NCKAP5: variants seen among roughly 807,000 people sequenced by gnomAD.
NCKAP5 encodes the protein nck-associated protein 5.
NCKAP5 carries 92 observed loss-of-function variants against 167.0 expected under a neutral mutation model. The observed-to-expected ratio is 0.55, with a 90% confidence interval of 0.47 to 0.66. The LOEUF is 0.66. Among genes scored for constraint, NCKAP5 ranks in the 30% least tolerant of loss-of-function variants. NCKAP5 has a pLI of 0.00. For synonymous variants in NCKAP5, 891 were observed against 877.4 expected (o/e 1.02, Z -0.27); for missense variants, 2,378 against 2,315.0 (o/e 1.03, Z -0.56).
At chr2:132,844,480 A>G (rs1688524527) in intron 11 of NCKAP5, among the ~76,000 whole-genome samples, 1 of 152,124 alleles carries the variant, frequency 6.6e-6, no homozygotes, top group South Asian at 2.1e-4. Flanking sequence ...GTATACAGGT[A>G]TATTTATAAA....
the NCKAP5 span, among the ~76,000 whole-genome samples, chr2:133,583,430 G>A: frequency 1.3e-5 from 2 of 151,814 alleles, no homozygotes; most frequent in Non-Finnish European, 2.9e-5. Context: ...TTGATTGGAA[G>A]CTTCCTGAGG....
At chr2:132,895,183 T>G (rs1693063971) in intron 8 of NCKAP5, among the ~76,000 whole-genome samples, 2 of 151,498 alleles carry the variant, frequency 1.3e-5, no homozygotes, top group South Asian at 4.2e-4. Flanking sequence ...TACAAAAAAT[T>G]AGCCGGGCGT....
At position 133,271,346 on chromosome 2, in the gene NCKAP5, C is replaced by A. The variant is rs1260347163; in HGVS notation, c.143+31691G>T. Among the ~76,000 whole-genome samples, 3 of 152,150 alleles carry A rather than the reference C, an allele frequency of 2.0e-5. No individual in the cohort carries two copies. The East Asian group carries it at 5.8e-4, about 29-fold the overall frequency. Reference sequence around the variant, plus strand: ...TAGAATATTCCAACTACAAATACTGCCTCCTGACTTTTTGTTAACTGCGAA... The same window carrying A: ...TAGAATATTCCAACTACAAATACTGACTCCTGACTTTTTGTTAACTGCGAA... On this transcript the variant is annotated intron_variant, in intron 4 of 19. Transcript: ENST00000409261.
chr2:132,837,383 C>G (rs1317014472), intron 11 of NCKAP5, among the ~76,000 whole-genome samples: 1 of 152,036 alleles, frequency 6.6e-6, no homozygotes, highest in East Asian at 1.9e-4. Flanking sequence ...CTACACTGAT[C>G]CTTTAATTTC....
At chr2:132,935,629 G>C (rs914098563) in intron 8 of NCKAP5, among the ~76,000 whole-genome samples, 2 of 152,150 alleles carry the variant, frequency 1.3e-5, no homozygotes, top group African/African-American at 4.8e-5. Flanking sequence ...CAGTAGGTTG[G>C]GGGTGGTGGG....
chr2:133,634,792 C>T, the NCKAP5 span, among the ~76,000 whole-genome samples: 2 of 152,008 alleles, frequency 1.3e-5, no homozygotes, highest in South Asian at 2.1e-4. Flanking sequence ...AATATTGGGA[C>T]ATACATTTAA....
chr2:133,406,298 G>A (rs1178045340), intron 3 of NCKAP5, among the ~76,000 whole-genome samples: 2 of 152,164 alleles, frequency 1.3e-5, no homozygotes, highest in Non-Finnish European at 1.5e-5. Context: ...TCATTTTGAT[G>A]AGTTTTGGGG....
intron 5 of NCKAP5, among the ~76,000 whole-genome samples, chr2:133,169,626 T>C (rs563395427): frequency 1.3e-5 from 2 of 152,310 alleles, no homozygotes; most frequent in East Asian, 1.9e-4. Flanking sequence ...CTGCTGAGCC[T>C]GATGCTTTTA....
intron 11 of NCKAP5, among the ~76,000 whole-genome samples, chr2:132,816,854 C>T (rs1686317070): frequency 1.3e-5 from 2 of 152,160 alleles, no homozygotes; most frequent in Admixed American, 6.5e-5. Flanking sequence ...TCCTTCCTGA[C>T]GAATCTCCAG....
intron 2 of NCKAP5, among the ~76,000 whole-genome samples, chr2:133,547,571 C>G (rs1177515030): frequency 1.3e-5 from 2 of 151,740 alleles, no homozygotes; most frequent in African/African-American, 2.4e-5. Flanking sequence ...TCCCTGACCC[C>G]TGACCCCCGA....
At chr2:132,931,225 C>G (rs988280588) in intron 8 of NCKAP5, 1 of 152,176 alleles carries the variant, frequency 6.6e-6, no homozygotes, top group Admixed American at 6.5e-5. Context: ...TGAGAAGGAC[C>G]GCATACTTCT....
chr2:133,329,297 G>C (rs1227438888), intron 3 of NCKAP5, among the ~76,000 whole-genome samples: 7 of 152,088 alleles, frequency 4.6e-5, no homozygotes, highest in Admixed American at 4.6e-4. Flanking sequence ...CAGCCACGTG[G>C]ACAGGGAGCA....
intron 19 of NCKAP5, among the ~76,000 whole-genome samples, chr2:132,717,161 A>G (rs1689447906): frequency 6.6e-6 from 1 of 152,224 alleles, no homozygotes; most frequent in South Asian, 2.1e-4. Context: ...CATCCAGGAA[A>G]GTGTAATGCT....
At chr2:132,867,823 A>G (rs1305601019) in intron 10 of NCKAP5, among the ~76,000 whole-genome samples, 1 of 152,102 alleles carries the variant, frequency 6.6e-6, no homozygotes. Flanking sequence ...TATTTAACCC[A>G]CCTCATTATG....
At chr2:133,200,876 A>G (rs961742501) in intron 5 of NCKAP5, among the ~76,000 whole-genome samples, 6 of 152,182 alleles carry the variant, frequency 3.9e-5, no homozygotes, top group Admixed American at 2.0e-4. Flanking sequence ...GCTATTTTTT[A>G]AAAACCAAGC....
chr2:133,442,830 C>T (rs1288422062), intron 3 of NCKAP5, among the ~76,000 whole-genome samples: 1 of 152,200 alleles, frequency 6.6e-6, no homozygotes, highest in African/African-American at 2.4e-5. Flanking sequence ...GGCAGCTGCT[C>T]AGATGGCAAG....
rs531568446 is a variant in NCKAP5 at position 133,531,022 on chromosome 2, C to A, written c.-61-13435G>T. On this transcript the variant is annotated intron_variant, in intron 2 of 19. Transcript: ENST00000409261. ...CCATGGAATCAGGAGGAAAATCAGTCATTGTTTTAAGTAACCAACTTATTG... is the reference window on the plus strand; with the variant it reads ...CCATGGAATCAGGAGGAAAATCAGTAATTGTTTTAAGTAACCAACTTATTG... 2.0e-5 allele frequency among the ~76,000 whole-genome samples: 3 copies of A among 152,160 alleles called. No homozygotes were observed. In the South Asian group the frequency reaches 6.2e-4, roughly 32 times the overall value.
At chr2:133,608,338 G>A in the NCKAP5 span, among the ~76,000 whole-genome samples, 1 of 152,186 alleles carries the variant, frequency 6.6e-6, no homozygotes, top group Non-Finnish European at 1.5e-5. Flanking sequence ...TCTTAAGAGA[G>A]GTTAGCATCT....
At chr2:132,933,127 GTGTTAGCCAGGA>G (rs1696560390) in intron 8 of NCKAP5, among the ~76,000 whole-genome samples, 1 of 148,398 alleles carries the variant, frequency 6.7e-6, no homozygotes, top group African/African-American at 2.5e-5. Context: ...GGGTTTCACC[GTGTTAGCCAGGA>G]TGGTCTCGAT....
Sources: gnomAD v4.1 joint callset for allele counts (sites outside exome capture counted in the v4.1 genomes callset) on GRCh38, gnomAD v4.1.1 for gene constraint, MANE v1.5 for transcripts, NCBI Gene and HGNC (gene_info 2026-07-23, HGNC 2026-07-21) for gene names.